PHYHD1: variants seen among roughly 807,000 people sequenced by gnomAD.
PHYHD1 encodes the protein phytanoyl-CoA dioxygenase domain containing 1, also known as phytanoyl-CoA dioxygenase domain-containing protein 1.
Under a neutral mutation model 43.6 loss-of-function variants are expected in PHYHD1, and 42 were observed. That is an observed-to-expected ratio of 0.96 (90% CI 0.75 to 1.25). The LOEUF is 1.25. Among genes scored for constraint, PHYHD1 ranks in the 50% most tolerant of loss-of-function variants. PHYHD1 has a pLI of 0.00. For synonymous variants in PHYHD1, 139 were observed against 143.6 expected, an observed-to-expected ratio of 0.97 and a Z score of 0.23; for missense variants, 342 against 370.8, an observed-to-expected ratio of 0.92 and a Z score of 0.64.
chr9:128,936,348 G>C, intron 6 of PHYHD1, 100 bp from the exon 7 acceptor site: 1 of 1,480,652 alleles, frequency 6.8e-7, no homozygotes, highest in Non-Finnish European at 9.2e-7. Context: ...TACAAAGTAA[G>C]TGAGAATGTC....
rs777769368 is a variant in PHYHD1, at chr9:128,936,663, G to T, written c.435+18G>T. ...TCTTTAAGGTGAGCTCCTTGTCCTT[G>T]CCTCAGTTTACCATCTGTAAAATGG... On this transcript the variant is annotated intron_variant, in intron 8 of 12. Transcript: ENST00000372592. The T allele has an allele frequency of 1.3e-6, 2 of 1,551,514 alleles. No homozygotes were observed. The highest frequency in any genetic ancestry group is 1.7e-6 in the Non-Finnish European group (2 of 1,146,912).
chr9:128,934,730 T>A (rs1176024490), intron 6 of PHYHD1, among the ~76,000 whole-genome samples: 3 of 150,216 alleles, frequency 2.0e-5, no homozygotes. Context: ...ATCATGCCAT[T>A]GCACTCCAGC....
intron 8 of PHYHD1, 24 bp downstream of exon 8, chr9:128,936,669 G>GT: frequency 1.3e-6 from 2 of 1,550,580 alleles, no homozygotes; most frequent in Non-Finnish European, 1.7e-6. Context: ...CCTTGCCTCA[G>GT]TTTACCATCT....
intron 11 of PHYHD1, 101 bp downstream of exon 11, chr9:128,940,816 G>A: frequency 1.7e-6 from 2 of 1,181,198 alleles, no homozygotes; most frequent in East Asian, 2.4e-5. Flanking sequence ...GGTCATCTGA[G>A]GGCAGTGAAG....
chr9:128,942,025 G>A lies in PHYHD1; in HGVS notation c.*312G>A, dbSNP rs1411538000. On this transcript the variant is annotated 3_prime_UTR_variant, in exon 13 of 13. Transcript: ENST00000372592. ...ATGGTGTTAGTTATCGAATAAAAAC[G>A]ACTTCAGAATGCAGCTTCCCTACTG... 7 of 448,654 alleles carry A rather than the reference G, an allele frequency of 1.6e-5. No individual in the cohort carries two copies. Among genetic ancestry groups the A allele is most frequent in the Non-Finnish European group, 2.4e-5 (6 of 248,836 alleles). The allele number at this position is 448,654 out of a possible 1,614,324, so 27.8% of individuals were successfully genotyped here. A position where few individuals can be genotyped will look rare whatever the true frequency, so the allele number is the denominator to read the frequency against.
At chr9:128,922,439 C>T in intron 3 of PHYHD1, 83 bp downstream of exon 3, 2 of 1,467,900 alleles carry the variant, frequency 1.4e-6, no homozygotes, top group Non-Finnish European at 1.8e-6. Flanking sequence ...GCCCAACCCA[C>T]CCCCTGCCCC....
At chr9:128,926,563 T>C (rs1183548409) in intron 3 of PHYHD1, among the ~76,000 whole-genome samples, 3 of 147,862 alleles carry the variant, frequency 2.0e-5, no homozygotes, top group South Asian at 2.2e-4. Context: ...TCTTTCTTTT[T>C]TTTTTTTTTT....
chr9:128,938,040 C>A, intron 9 of PHYHD1: 1 of 1,197,718 alleles, frequency 8.3e-7, no homozygotes, highest in Non-Finnish European at 1.1e-6. Context: ...GGCGTGGTGG[C>A]TCATGCCTGT....
In PHYHD1 at chr9:128,940,682, A is replaced by G. The variant is rs1250393019; in HGVS notation, c.670A>G (p.Asn224Asp). The change falls in exon 11 of 13, where the codon AAC becomes GAC. Residue 224 changes from asparagine (N) to aspartate (D), a missense_variant. Transcript: ENST00000372592. ...SFLGSEPARD[N>D]SLFVPTPVQR... ...CCTTGGGTCAGAGCCAGCCCGGGAT[A>G]ACAGCCTCTTTGTGCCCACCCCAGT... 7 of 1,613,774 alleles carry G rather than the reference A, an allele frequency of 4.3e-6. No homozygotes were observed. The East Asian group carries it at 1.3e-4, about 31-fold the overall frequency.
intron 3 of PHYHD1, 29 bp downstream of exon 3, chr9:128,922,385 GGTCAT>G (rs1456832833): frequency 1.4e-5 from 22 of 1,546,878 alleles, no homozygotes; most frequent in Middle Eastern, 2.3e-4. Context: ...GGGCCGGGAG[GGTCAT>G]GGCGGGGGGG....
chr9:128,936,535 G>C (rs1371330773), intron 7 of PHYHD1, 32 bp downstream of exon 7: 14 of 1,612,014 alleles, frequency 8.7e-6, no homozygotes, highest in Non-Finnish European at 1.2e-5. Context: ...GGCCAGGAGG[G>C]TGGGCCATGT....
intron 6 of PHYHD1, among the ~76,000 whole-genome samples, chr9:128,934,413 A>G (rs7849529): frequency 0.3 from 45,642 of 150,120 alleles, 8,075 homozygotes; most frequent in Admixed American, 0.39. Flanking sequence ...AAAAAAAAAG[A>G]AAAGGAAAAA....
chr9:128,935,552 C>CT (rs1841402550), intron 6 of PHYHD1, among the ~76,000 whole-genome samples: 1 of 123,540 alleles, frequency 8.1e-6, no homozygotes, highest in African/African-American at 3.1e-5. Context: ...GAGCGAAACT[C>CT]TGTCTCAAAA....
At chr9:128,929,954 C>T (rs2131102145) in intron 4 of PHYHD1, among the ~76,000 whole-genome samples, 1 of 151,040 alleles carries the variant, frequency 6.6e-6, no homozygotes, top group East Asian at 2.0e-4. Flanking sequence ...ATGGTGAAAC[C>T]CTGTCTCTAC....
In PHYHD1 at chr9:128,940,350, C is replaced by G. The variant is rs1017305164; in HGVS notation, c.458-19C>G. The G allele has an allele frequency of 3.5e-5, 56 of 1,613,366 alleles. No individual in the cohort carries two copies. Among genetic ancestry groups the G allele is most frequent in the Non-Finnish European group, 4.4e-5 (52 of 1,179,596 alleles). ...ACAGGCAAAAGGATGAGCTCCTCACCCCCCGTGGGCCTGCTTAGTCTCCCC... is the reference window on the plus strand; with the variant it reads ...ACAGGCAAAAGGATGAGCTCCTCACGCCCCGTGGGCCTGCTTAGTCTCCCC... On this transcript the variant is annotated intron_variant, in intron 9 of 12. Coordinates refer to ENST00000372592, the MANE Select transcript of PHYHD1 (RefSeq NM_001100876.2).
At chr9:128,924,917 A>T (rs1841096798) in intron 3 of PHYHD1, among the ~76,000 whole-genome samples, 1 of 152,198 alleles carries the variant, frequency 6.6e-6, no homozygotes, top group Admixed American at 6.6e-5. Context: ...CCTGGGCAAC[A>T]AGAGTGAGAC....
At chr9:128,940,541 C>G (rs777003172) in intron 10 of PHYHD1, 44 bp downstream of exon 10, 12 of 1,613,886 alleles carry the variant, frequency 7.4e-6, no homozygotes, top group East Asian at 4.5e-5. Flanking sequence ...CTCCCCACCC[C>G]CTAGGGAGAG....
Position 128,940,663 on chromosome 9 carries a change from G to A in PHYHD1, c.651G>A (p.Gly217=). 6.2e-7 allele frequency: 1 copy of A among 1,614,120 alleles called. No homozygotes were observed. The highest frequency in any genetic ancestry group is 8.5e-7 in the Non-Finnish European group (1 of 1,180,044). Residue 217 remains glycine (G), a synonymous_variant, in exon 11 of 13, where the codon GGG becomes GGA. Coordinates refer to ENST00000372592, the MANE Select transcript of PHYHD1 (RefSeq NM_001100876.2). ...CAGCGCCTGGTACCAGCTTCCTTGG[G>A]TCAGAGCCAGCCCGGGATAACAGCC... ...VGSAPGTSFL[G]SEPARDNSLF...
Position 128,929,993 on chromosome 9 carries a change from C to T in PHYHD1, c.192+2797C>T, listed in dbSNP as rs186805993. 1.0e-3 allele frequency among the ~76,000 whole-genome samples: 151 copies of T among 149,110 alleles called. 2 individuals are homozygous for T. The highest frequency in any genetic ancestry group is 9.4e-3 in the Admixed American group (141 of 14,962). ...AAATACAAAAAAAAAAAAAATTAGT[C>T]GTGGCCGGGCATGGTGGCTCATACC... On this transcript the variant is annotated intron_variant, in intron 4 of 12. Coordinates refer to ENST00000372592, the MANE Select transcript of PHYHD1 (RefSeq NM_001100876.2).
Sources: gnomAD v4.1 joint callset for allele counts (sites outside exome capture counted in the v4.1 genomes callset) on GRCh38, gnomAD v4.1.1 for gene constraint, MANE v1.5 for transcripts, NCBI Gene and HGNC (gene_info 2026-07-23, HGNC 2026-07-21) for gene names.